TBC1D32: variants seen among roughly 807,000 people sequenced by gnomAD.
The protein encoded by TBC1D32 is TBC1 domain family member 32, also known as protein broad-minded.
Under a neutral mutation model 170.3 loss-of-function variants are expected in TBC1D32, and 151 were observed. The observed-to-expected ratio is 0.89, with a 90% CI of 0.78 to 1.01. TBC1D32 has a LOEUF of 1.01. Ranked by LOEUF, TBC1D32 falls within the 50% of genes least tolerant of loss-of-function variation. The pLI is 0.00. For missense variants in TBC1D32, 1,464 were observed against 1,457.1 expected, an observed-to-expected ratio of 1.00 and a Z score of -0.08; for synonymous variants, 498 against 488.0, an observed-to-expected ratio of 1.02 and a Z score of -0.27.
intron 21 of TBC1D32, among the ~76,000 whole-genome samples, chr6:121,213,926 CA>C (rs1793484662): frequency 6.6e-6 from 1 of 152,038 alleles, no homozygotes; most frequent in African/African-American, 2.4e-5. Flanking sequence ...AATATTGGTA[CA>C]AAAATAGACA....
At chr6:121,291,942 A>G (rs748339488) in intron 12 of TBC1D32, 111 bp downstream of exon 12, 3 of 1,151,744 alleles carry the variant, frequency 2.6e-6, no homozygotes, top group Non-Finnish European at 3.5e-6. Context: ...ACTAAAAGGT[A>G]TGTAGCTAAG....
intron 30 of TBC1D32, among the ~76,000 whole-genome samples, chr6:121,092,746 A>C (rs932678332): frequency 6.6e-6 from 1 of 152,094 alleles, no homozygotes; most frequent in Non-Finnish European, 1.5e-5. Context: ...GCTTTAATAA[A>C]GACACTTGTG....
intron 24 of TBC1D32, among the ~76,000 whole-genome samples, chr6:121,143,523 T>A (rs907110657): frequency 3.3e-5 from 5 of 152,160 alleles, no homozygotes; most frequent in Non-Finnish European, 5.9e-5. Context: ...ATGAAGAGGA[T>A]GCCACCATGT....
chr6:121,298,967 A>G (rs1243366386), intron 10 of TBC1D32, among the ~76,000 whole-genome samples: 1 of 152,116 alleles, frequency 6.6e-6, no homozygotes, highest in African/African-American at 2.4e-5. Context: ...ACTAATAGTA[A>G]CAAATGTAGA....
intron 17 of TBC1D32, among the ~76,000 whole-genome samples, chr6:121,253,698 G>A (rs1798597659): frequency 6.6e-6 from 1 of 152,102 alleles, no homozygotes; most frequent in South Asian, 2.1e-4. Flanking sequence ...CAGCCTGGGC[G>A]ACAGAGCGAG....
chr6:121,219,520 A>T (rs902636084), intron 21 of TBC1D32, among the ~76,000 whole-genome samples: 5 of 152,192 alleles, frequency 3.3e-5, no homozygotes, highest in African/African-American at 1.2e-4. Context: ...ACTAATTTGT[A>T]CTTGTTTCCC....
chr6:121,149,847 C>A (rs527274159), intron 24 of TBC1D32, among the ~76,000 whole-genome samples: 3 of 152,246 alleles, frequency 2.0e-5, no homozygotes, highest in Admixed American at 2.0e-4. Context: ...TTGCTTTGGG[C>A]AGTATGGCCA....
At chr6:121,218,014 A>G (rs1794043008) in intron 21 of TBC1D32, among the ~76,000 whole-genome samples, 1 of 152,216 alleles carries the variant, frequency 6.6e-6, no homozygotes, top group African/African-American at 2.4e-5. Context: ...TCAGTTGTAC[A>G]CAGTAAGACT....
chr6:121,162,779 A>G (rs7763297), intron 22 of TBC1D32, among the ~76,000 whole-genome samples: 109,450 of 131,050 alleles, frequency 0.84, 47,849 homozygotes, highest in Non-Finnish European at 0.97. Context: ...CGACGCAGAA[A>G]ACAGGTGATT....
Position 121,112,602 on chromosome 6 carries a change from A to G in TBC1D32, c.3227T>C (p.Ile1076Thr), listed in dbSNP as rs1446507526. Residue 1076 changes from isoleucine (I) to threonine (T), a missense_variant, in exon 29 of 32, where the codon ATA (isoleucine) becomes ACA (threonine). Physicochemically the swap from Ile to Thr is moderately conservative, Grantham distance 89. Transcript: ENST00000398212. ...HDWFVSSLFM[I>T]MLGDKEKTFQ... ...TGTTTTTTCTTTGTCTCCCAACATTATCATGAACAGAGAAGATACAAACCA... is the reference window on the plus strand; with the variant it reads ...TGTTTTTTCTTTGTCTCCCAACATTGTCATGAACAGAGAAGATACAAACCA... 3.7e-6 allele frequency: 6 copies of G among 1,610,196 alleles called. No homozygotes were observed. In the African/African-American group the frequency reaches 6.7e-5, roughly 18 times the overall value.
intron 20 of TBC1D32, among the ~76,000 whole-genome samples, chr6:121,233,483 T>G (rs2128344049): frequency 6.6e-6 from 1 of 152,268 alleles, no homozygotes; most frequent in Middle Eastern, 3.4e-3. Context: ...TCTTTTTAAC[T>G]GCTGTTGCTT....
intron 24 of TBC1D32, among the ~76,000 whole-genome samples, chr6:121,137,967 A>C (rs1782325196): frequency 6.6e-6 from 1 of 152,090 alleles, no homozygotes; most frequent in African/African-American, 2.4e-5. Flanking sequence ...AGAGATTCCT[A>C]GGCTTAATTT....
chr6:121,116,089 T>A (rs1353031911), intron 26 of TBC1D32, among the ~76,000 whole-genome samples: 1 of 151,834 alleles, frequency 6.6e-6, no homozygotes, highest in African/African-American at 2.4e-5. Context: ...ACACAGTGCA[T>A]GCACACACAA....
intron 30 of TBC1D32, chr6:121,096,328 G>C (rs1390592098): frequency 6.6e-6 from 1 of 152,016 alleles, no homozygotes; most frequent in African/African-American, 2.4e-5. Context: ...TCCTTAAGCT[G>C]ATAAGCAACT....
chr6:121,238,789 T>C (rs1402145499), intron 20 of TBC1D32, among the ~76,000 whole-genome samples: 2 of 152,038 alleles, frequency 1.3e-5, no homozygotes, highest in Non-Finnish European at 2.9e-5. Flanking sequence ...TTGTAACATG[T>C]CTGGTACATT....
intron 22 of TBC1D32, among the ~76,000 whole-genome samples, chr6:121,186,303 C>G (rs1789201678): frequency 6.6e-6 from 1 of 151,824 alleles, no homozygotes; most frequent in African/African-American, 2.4e-5. Flanking sequence ...GCCTGGTGCC[C>G]CAGGGATGCT....
chr6:121,313,486 CA>C (rs1808533281), intron 3 of TBC1D32, among the ~76,000 whole-genome samples: 2 of 151,632 alleles, frequency 1.3e-5, no homozygotes, highest in African/African-American at 4.8e-5. Flanking sequence ...AGCCAGCAAG[CA>C]AAAATAAGTT....
chr6:121,313,371 C>T (rs184174015), intron 3 of TBC1D32, among the ~76,000 whole-genome samples: 2 of 151,108 alleles, frequency 1.3e-5, no homozygotes, highest in East Asian at 3.9e-4. Context: ...GCAACCTCCA[C>T]CACCCGAGTT....
At chr6:121,143,380 TC>T (rs1783042443) in intron 24 of TBC1D32, among the ~76,000 whole-genome samples, 1 of 152,144 alleles carries the variant, frequency 6.6e-6, no homozygotes, top group South Asian at 2.1e-4. Flanking sequence ...AGATGATGTC[TC>T]AAAATTCTTA....
Sources: allele counts gnomAD v4.1 joint callset (sites outside exome capture counted in the v4.1 genomes callset), GRCh38; gene constraint gnomAD v4.1.1; transcripts MANE v1.5; gene names NCBI Gene and HGNC (gene_info 2026-07-23, HGNC 2026-07-21).